SDK2: variants seen among roughly 807,000 people sequenced by gnomAD.
SDK2 encodes the protein sidekick cell adhesion molecule 2.
A neutral mutation model predicts 253.9 loss-of-function variants in SDK2; 105 were observed. That is an observed-to-expected ratio of 0.41 (90% confidence interval 0.35 to 0.49). SDK2 has a LOEUF of 0.49. SDK2 is among the 20% of genes least tolerant of loss of function. The pLI is 0.06. For synonymous variants in SDK2, 1,249 were observed against 1,234.9 expected, an observed-to-expected ratio of 1.01 and a Z score of -0.24; for missense variants, 2,608 against 3,003.0, an observed-to-expected ratio of 0.87 and a Z score of 3.07.
chr17:73,424,036 C>A lies in SDK2; in HGVS notation c.1640G>T (p.Arg547Leu), dbSNP rs35867741. ...TLGTESHPRIRLDRNGSLHIS... is the reference protein window; with the variant it reads ...TLGTESHPRILLDRNGSLHIS... The stretch of plus-strand genomic sequence containing the variant: ...GTGCAGGGAGCCGTTTCTGTCCAGG[C>A]GGATACGAGGATGGCTCTCCGTGCC... Residue 547 changes from arginine (R) to leucine (L), a missense_variant, in exon 13 of 45, where the codon CGC becomes CTC. Coordinates refer to ENST00000392650, the MANE Select transcript of SDK2 (RefSeq NM_001144952.2). 11,798 of 1,612,636 alleles carry A rather than the reference C, an allele frequency of 7.3e-3. 69 individuals are homozygous for A. Among genetic ancestry groups the A allele is most frequent in the Middle Eastern group, 0.012 (74 of 6,060 alleles).
chr17:73,391,385 G>T, intron 28 of SDK2, 55 bp downstream of exon 28: 2 of 1,076,994 alleles, frequency 1.9e-6, no homozygotes, highest in Non-Finnish European at 2.4e-6. Flanking sequence ...CTCCTTTGCA[G>T]CTCATGCCTC....
intron 1 of SDK2, among the ~76,000 whole-genome samples, chr17:73,568,133 G>A (rs922185502): frequency 1.3e-5 from 2 of 152,164 alleles, no homozygotes; most frequent in African/African-American, 4.8e-5. Flanking sequence ...GTTTGTGTTG[G>A]GAGGCAGATC....
intron 1 of SDK2, among the ~76,000 whole-genome samples, chr17:73,559,605 G>GCCC (rs1220124151): frequency 2.2e-5 from 2 of 91,814 alleles, no homozygotes; most frequent in South Asian, 4.0e-4. Context: ...TGTGCCCCCC[G>GCCC]CCCCCGCCAC....
chr17:73,401,295 T>G, intron 20 of SDK2, 84 bp from the exon 21 acceptor site: 1 of 1,270,770 alleles, frequency 7.9e-7, no homozygotes, highest in Non-Finnish European at 1.1e-6. Flanking sequence ...ACTTCTCCAC[T>G]AGGCTGGCAA....
chr17:73,633,121 A>C (rs1599741172), intron 1 of SDK2, among the ~76,000 whole-genome samples: 1 of 56,554 alleles, frequency 1.8e-5, no homozygotes, highest in African/African-American at 1.4e-4. Context: ...TGTATCTACA[A>C]AAAAAATAAA....
chr17:73,491,730 A>G (rs781535905), intron 2 of SDK2, among the ~76,000 whole-genome samples: 4 of 152,054 alleles, frequency 2.6e-5, no homozygotes, highest in Non-Finnish European at 5.9e-5. Flanking sequence ...CTCAGTTCCA[A>G]TCCTTGCCCA....
At chr17:73,410,726 T>G (rs1329870677) in intron 18 of SDK2, among the ~76,000 whole-genome samples, 1 of 152,184 alleles carries the variant, frequency 6.6e-6, no homozygotes, top group Admixed American at 6.5e-5. Flanking sequence ...GTGTGAGGTC[T>G]CCTTACTCCT....
At position 73,353,665 on chromosome 17, in the gene SDK2, C is replaced by A. The variant is rs189144227; in HGVS notation, c.5594-1028G>T. Among the ~76,000 whole-genome samples, 754 of 146,960 alleles carry A rather than the reference C, an allele frequency of 5.1e-3. 10 individuals are homozygous for A. Among genetic ancestry groups the A allele is most frequent in the African/African-American group, 0.018 (708 of 39,640 alleles). ...CTGCCTACCTCAGCCTCCCAAAGTG[C>A]TGGGATTACAGGTGTGAGCCACTGT... On this transcript the variant is annotated intron_variant, in intron 40 of 44. Transcript: ENST00000392650.
At chr17:73,385,016 T>A (rs2145482127) in intron 32 of SDK2, among the ~76,000 whole-genome samples, 1 of 152,330 alleles carries the variant, frequency 6.6e-6, no homozygotes, top group Non-Finnish European at 1.5e-5. Flanking sequence ...GAGCTGTGTG[T>A]CTCAGGCTGG....
chr17:73,617,099 AAAG>A (rs2046068073), intron 1 of SDK2, among the ~76,000 whole-genome samples: 1 of 152,070 alleles, frequency 6.6e-6, no homozygotes. Context: ...CGCACTGAGC[AAAG>A]AAGGTGAAGG....
chr17:73,471,424 C>G (rs1371159923), intron 3 of SDK2, among the ~76,000 whole-genome samples: 1 of 152,018 alleles, frequency 6.6e-6, no homozygotes, highest in Non-Finnish European at 1.5e-5. Flanking sequence ...ATGGTGAAAC[C>G]CTATCTCTAC....
intron 24 of SDK2, among the ~76,000 whole-genome samples, chr17:73,396,478 T>C (rs953227058): frequency 6.6e-6 from 1 of 151,384 alleles, no homozygotes; most frequent in African/African-American, 2.5e-5. Flanking sequence ...TTTACCCCAC[T>C]CCTCACCTTC....
intron 2 of SDK2, among the ~76,000 whole-genome samples, chr17:73,500,693 C>T (rs562928431): frequency 1.4e-5 from 2 of 144,096 alleles, no homozygotes; most frequent in South Asian, 2.3e-4. Flanking sequence ...CTCCATTCTC[C>T]TCCATCCTCC....
chr17:73,372,085 G>GT (rs2062738549), intron 36 of SDK2, among the ~76,000 whole-genome samples: 1 of 152,238 alleles, frequency 6.6e-6, no homozygotes, highest in Non-Finnish European at 1.5e-5. Context: ...AATGGCTGCA[G>GT]TCATGCTCTT....
intron 32 of SDK2, among the ~76,000 whole-genome samples, chr17:73,385,353 G>C (rs1235145508): frequency 6.6e-6 from 1 of 152,166 alleles, no homozygotes; most frequent in East Asian, 1.9e-4. Context: ...TATGGACGAA[G>C]GGGGGCATTT....
At chr17:73,356,123 C>T (rs1599478884) in intron 40 of SDK2, among the ~76,000 whole-genome samples, 1 of 152,342 alleles carries the variant, frequency 6.6e-6, no homozygotes, top group East Asian at 1.9e-4. Flanking sequence ...ACGCTGTCAG[C>T]AGCAGAGCTG....
At chr17:73,546,097 G>A (rs2044959829) in intron 1 of SDK2, among the ~76,000 whole-genome samples, 2 of 151,848 alleles carry the variant, frequency 1.3e-5, no homozygotes, top group Non-Finnish European at 1.5e-5. Flanking sequence ...GGGAAGGAGT[G>A]CTGTCGGGGG....
intron 1 of SDK2, among the ~76,000 whole-genome samples, chr17:73,531,710 T>C (rs1222184832): frequency 6.6e-6 from 1 of 152,228 alleles, no homozygotes; most frequent in Non-Finnish European, 1.5e-5. Flanking sequence ...CTCCATTGCA[T>C]ACAGGATAAA....
chr17:73,385,540 C>T (rs145110409), intron 32 of SDK2, among the ~76,000 whole-genome samples: 1 of 152,166 alleles, frequency 6.6e-6, no homozygotes. Context: ...GGCTATGTGA[C>T]CTGGGGCCAT....
Sources: gnomAD v4.1 joint callset for allele counts (sites outside exome capture counted in the v4.1 genomes callset) on GRCh38, gnomAD v4.1.1 for gene constraint, MANE v1.5 for transcripts, NCBI Gene and HGNC (gene_info 2026-07-23, HGNC 2026-07-21) for gene names.